ACOT12: variants seen among roughly 807,000 people sequenced by gnomAD.
The protein encoded by ACOT12 is acyl-CoA thioesterase 12.
In ACOT12, 51 loss-of-function variants were observed where a neutral mutation model predicts 67.7. The observed-to-expected ratio is 0.75, with a 90% CI of 0.60 to 0.95. The LOEUF (loss-of-function observed/expected upper bound fraction) is 0.95. Ranked by LOEUF, ACOT12 falls within the 40% of genes least tolerant of loss-of-function variation. The pLI is 0.00. For synonymous variants in ACOT12, 251 were observed against 244.6 expected (o/e 1.03, Z -0.24); for missense variants, 734 against 708.1 (o/e 1.04, Z -0.41).
intron 12 of ACOT12, among the ~76,000 whole-genome samples, chr5:81,333,574 G>A (rs547494136): frequency 6.6e-6 from 1 of 152,144 alleles, no homozygotes; most frequent in African/African-American, 2.4e-5. Flanking sequence ...CTTCAATTTG[G>A]CTGGAATGTC....
chr5:81,352,777 GAT>G (rs1759591806), intron 5 of ACOT12, among the ~76,000 whole-genome samples: 1 of 152,010 alleles, frequency 6.6e-6, no homozygotes, highest in African/African-American at 2.4e-5. Context: ...TGAAGGAGTG[GAT>G]ACCCCATTTT....
chr5:81,332,641 T>G, intron 12 of ACOT12, 36 bp from the exon 13 acceptor site: 4 of 1,611,528 alleles, frequency 2.5e-6, no homozygotes, highest in Non-Finnish European at 3.4e-6. Context: ...AGGTATACTT[T>G]CTACCTGCTC....
chr5:81,388,795 G>A (rs1409476261), intron 1 of ACOT12, among the ~76,000 whole-genome samples: 1 of 152,124 alleles, frequency 6.6e-6, no homozygotes, highest in African/African-American at 2.4e-5. Context: ...GGAACCGGTG[G>A]GAGATAATTG....
chr5:81,322,671 C>G, the ACOT12 span, among the ~76,000 whole-genome samples: 1 of 152,038 alleles, frequency 6.6e-6, no homozygotes, highest in African/African-American at 2.4e-5. Context: ...GAAGAAATAC[C>G]TGAGACAGTA....
Position 81,379,406 on chromosome 5 carries a change from C to A in ACOT12, c.197+6351G>T, listed in dbSNP as rs940847408. 3.9e-5 allele frequency among the ~76,000 whole-genome samples: 6 copies of A among 151,998 alleles called. No homozygotes were observed. The East Asian group carries it at 1.2e-3, about 29-fold the overall frequency. ...ATAATGGGTTGATGGGTGCAGCAAACCACCATGGCACGTGTATACCTATGT... is the reference window on the plus strand; with the variant it reads ...ATAATGGGTTGATGGGTGCAGCAAAACACCATGGCACGTGTATACCTATGT... On this transcript the variant is annotated intron_variant, in intron 2 of 14. Coordinates refer to ENST00000307624, the MANE Select transcript of ACOT12 (RefSeq NM_130767.3).
chr5:81,322,530 G>A, the ACOT12 span, among the ~76,000 whole-genome samples: 23 of 151,972 alleles, frequency 1.5e-4, no homozygotes, highest in South Asian at 1.5e-3. Flanking sequence ...GGAAGTTGGC[G>A]TGGGTGGGGG....
At chr5:81,364,390 T>G (rs1313371018) in intron 3 of ACOT12, among the ~76,000 whole-genome samples, 2 of 151,910 alleles carry the variant, frequency 1.3e-5, no homozygotes, top group Non-Finnish European at 2.9e-5. Context: ...TGCATGTGTA[T>G]ATAAAATTAT....
the ACOT12 span, among the ~76,000 whole-genome samples, chr5:81,322,150 A>G: frequency 6.6e-6 from 1 of 152,204 alleles, no homozygotes; most frequent in Non-Finnish European, 1.5e-5. Flanking sequence ...AGAATCATTG[A>G]GGCTTTTCTT....
chr5:81,327,094 C>T (rs1758690381), downstream of ACOT12, among the ~76,000 whole-genome samples: 1 of 151,164 alleles, frequency 6.6e-6, no homozygotes, highest in Non-Finnish European at 1.5e-5. Flanking sequence ...AGTAAAATGT[C>T]CAAGCTTATT....
Position 81,363,889 on chromosome 5 carries a change from T to C in ACOT12, c.259A>G (p.Ile87Val). 1 of 1,561,092 alleles carries C rather than the reference T, an allele frequency of 6.4e-7. No individual in the cohort carries two copies. Among genetic ancestry groups the C allele is most frequent in the South Asian group, 1.2e-5 (1 of 81,836 alleles). Residue 87 changes from isoleucine (I) to valine (V), a missense_variant and splice_region_variant, in exon 4 of 15, where the codon ATC becomes GTC. Physicochemically the swap from Ile to Val is conservative, Grantham distance 29. Coordinates refer to ENST00000307624, the MANE Select transcript of ACOT12 (RefSeq NM_130767.3). ...VTRAFSTSME[I>V]SIKVMVQDML... Reference sequence around the variant, plus strand: ...TCCTGTACCATGACCTTGATACTGATCTAAAATGAAAAAAAGATAAATAAA... The same window carrying C: ...TCCTGTACCATGACCTTGATACTGACCTAAAATGAAAAAAAGATAAATAAA...
chr5:81,335,837 C>T lies in ACOT12; in HGVS notation c.1193G>A (p.Ser398Asn), dbSNP rs1758981194. The change falls in exon 12 of 15, where the codon AGT becomes AAT. Residue 398 changes from serine to asparagine, a missense_variant. Transcript: ENST00000307624. ...GAGACGATAAGCCAAATGTGCTGGA[C>T]TTCCCACGTGCTTTTCAACCCAAAC... ...LSVWVEKHVGSPAHLAYRLLS... is the reference protein window; with the variant it reads ...LSVWVEKHVGNPAHLAYRLLS... 1.2e-6 allele frequency: 2 copies of T among 1,613,996 alleles called. No individual in the cohort carries two copies. Among genetic ancestry groups the T allele is most frequent in the African/African-American group, 2.7e-5 (2 of 74,922 alleles).
rs1052387807 is a variant in ACOT12, at chr5:81,386,994, C to CTTTTT, written c.128-1169_128-1168insAAAAA. Among the ~76,000 whole-genome samples the CTTTTT allele has an allele frequency of 4.7e-4, 61 of 128,464 alleles. 2 individuals carry two copies. Among genetic ancestry groups the CTTTTT allele is most frequent in the South Asian group, 4.9e-4 (2 of 4,090 alleles). The allele number at this position is 128,464 out of a possible 152,430, so 84.3% of individuals were successfully genotyped here. A position where few individuals can be genotyped will look rare whatever the true frequency, so the allele number is the denominator to read the frequency against. On this transcript the variant is annotated intron_variant, in intron 1 of 14. Transcript: ENST00000307624. ...TCCAGACACTGAGTTGGATGAGTTC[C>CTTTTT]ATTTTTTTTTTTTTTTTTTTTTTTC...
intron 5 of ACOT12, among the ~76,000 whole-genome samples, chr5:81,348,969 C>T (rs1759469291): frequency 1.3e-5 from 2 of 152,226 alleles, no homozygotes; most frequent in Admixed American, 6.5e-5. Flanking sequence ...AAAATGTATT[C>T]AATTATGCTT....
At chr5:81,311,656 T>A in the ACOT12 span, among the ~76,000 whole-genome samples, 1 of 152,228 alleles carries the variant, frequency 6.6e-6, no homozygotes, top group African/African-American at 2.4e-5. Flanking sequence ...TGAGTGTCCT[T>A]ATGTATGCTT....
At chr5:81,346,128 G>A in intron 6 of ACOT12, 124 bp from the exon 7 acceptor site, 3 of 1,428,516 alleles carry the variant, frequency 2.1e-6, no homozygotes, top group Non-Finnish European at 1.9e-6. Flanking sequence ...ACTGGATTAT[G>A]TGGGTTGAGG....
chr5:81,339,061 A>G (rs899134711), intron 11 of ACOT12, among the ~76,000 whole-genome samples: 6 of 152,218 alleles, frequency 3.9e-5, no homozygotes, highest in African/African-American at 1.4e-4. Context: ...ACCTGGGCAA[A>G]GAGTGAGACT....
chr5:81,310,320 G>T, the ACOT12 span, among the ~76,000 whole-genome samples: 1 of 152,082 alleles, frequency 6.6e-6, no homozygotes, highest in South Asian at 2.1e-4. Flanking sequence ...GAACACTTTA[G>T]TAGCAATAGA....
intron 1 of ACOT12, among the ~76,000 whole-genome samples, chr5:81,391,653 A>C (rs200364177): frequency 6.6e-6 from 1 of 152,230 alleles, no homozygotes; most frequent in Non-Finnish European, 1.5e-5. Context: ...TTCAAAGATT[A>C]CTTTAGAAGC....
chr5:81,392,299 A>G (rs1760887206), intron 1 of ACOT12, among the ~76,000 whole-genome samples: 1 of 152,194 alleles, frequency 6.6e-6, no homozygotes, highest in African/African-American at 2.4e-5. Context: ...ACCTTGGCTA[A>G]ATAATGTCCC....
Sources: gnomAD v4.1 joint callset for allele counts (sites outside exome capture counted in the v4.1 genomes callset) on GRCh38, gnomAD v4.1.1 for gene constraint, MANE v1.5 for transcripts, NCBI Gene and HGNC (gene_info 2026-07-23, HGNC 2026-07-21) for gene names.